Variants in BNC1 observed in about 807,000 individuals in gnomAD.
The protein encoded by BNC1 is zinc finger protein basonuclin-1.
A neutral mutation model predicts 66.5 loss-of-function variants in BNC1; 8 were observed. The observed-to-expected ratio is 0.12, with a 90% CI of 0.07 to 0.22. BNC1 has a LOEUF of 0.22. Ranked by LOEUF, BNC1 falls within the 10% of genes least tolerant of loss-of-function variation. The pLI, the probability that BNC1 is intolerant of heterozygous loss-of-function variation, is 1.00. For missense variants in BNC1, 1,069 were observed against 1,241.3 expected, an observed-to-expected ratio of 0.86 and a Z score of 2.09; for synonymous variants, 454 against 452.6, an observed-to-expected ratio of 1.00 and a Z score of -0.04.
chr15:83,257,558 T>G lies in BNC1; in HGVS notation c.2869A>C (p.Lys957Gln). The change falls in exon 5 of 5, where the codon AAA becomes CAA. Residue 957 changes from lysine to glutamine, a missense_variant. By Grantham distance (53) the Lys-to-Gln change is moderately conservative. Coordinates refer to ENST00000345382, the MANE Select transcript of BNC1 (RefSeq NM_001717.4). ...GTGTTGCAGCCTGGTACTTTGCATTTGTGGAGCTGCCGGAGGTGCACAGTT... is the reference window on the plus strand; with the variant it reads ...GTGTTGCAGCCTGGTACTTTGCATTGGTGGAGCTGCCGGAGGTGCACAGTT... ...YKTVHLRQLH[K>Q]CKVPGCNTMF... The G allele has an allele frequency of 6.2e-7, 1 of 1,614,144 alleles. No individual in the cohort carries two copies. The highest frequency in any genetic ancestry group is 8.5e-7 in the Non-Finnish European group (1 of 1,180,034).
chr15:83,272,293 C>T (rs781729694), intron 1 of BNC1, among the ~76,000 whole-genome samples: 1 of 151,878 alleles, frequency 6.6e-6, no homozygotes, highest in Non-Finnish European at 1.5e-5. Context: ...TGCAGTGGCA[C>T]AATCTCGGCT....
At chr15:83,275,299 C>T (rs1452475657) in intron 1 of BNC1, among the ~76,000 whole-genome samples, 1 of 152,142 alleles carries the variant, frequency 6.6e-6, no homozygotes, top group African/African-American at 2.4e-5. Flanking sequence ...GGTTCAGGAC[C>T]AGACTGGCCA....
intron 3 of BNC1, among the ~76,000 whole-genome samples, chr15:83,265,896 T>A (rs1486364278): frequency 6.6e-6 from 1 of 152,218 alleles, no homozygotes; most frequent in East Asian, 1.9e-4. Context: ...TTCATTTTAA[T>A]TACATGGCCT....
intron 1 of BNC1, among the ~76,000 whole-genome samples, chr15:83,275,153 C>G (rs2038306756): frequency 6.6e-6 from 1 of 152,134 alleles, no homozygotes; most frequent in East Asian, 1.9e-4. Flanking sequence ...AGGGCAGAGA[C>G]AGGAAATGAA....
rs2038161310 is a variant in BNC1, at chr15:83,262,976, A to G, written c.2275T>C (p.Phe759Leu). The change falls in exon 4 of 5, where the codon TTT becomes CTT. Residue 759 changes from phenylalanine (F) to leucine (L), a missense_variant. Around this residue, in one of 7 missense-constraint regions of BNC1, gnomAD observed 657 missense variants for 715.8 expected, o/e 0.92. Coordinates refer to ENST00000345382, the MANE Select transcript of BNC1 (RefSeq NM_001717.4). ...TCTVEGCNAT[F>L]PSRRSRDRHS... is the part of the protein sequence containing the mutation. ...CTGTCTCTGCTCCTGCGGGAGGGAAAGGTAGCATTACAGCCCTCCACTGTG... is the reference window on the plus strand; with the variant it reads ...CTGTCTCTGCTCCTGCGGGAGGGAAGGGTAGCATTACAGCCCTCCACTGTG... 1.2e-6 allele frequency: 2 copies of G among 1,609,678 alleles called. No homozygotes were observed. The highest frequency in any genetic ancestry group is 1.7e-6 in the Non-Finnish European group (2 of 1,177,204).
chr15:83,275,996 T>C (rs987431813), intron 1 of BNC1, among the ~76,000 whole-genome samples: 2 of 152,102 alleles, frequency 1.3e-5, no homozygotes, highest in Admixed American at 6.5e-5. Context: ...CACCTTTCAC[T>C]GAGAGGTAGT....
chr15:83,284,564 T>C lies in BNC1; in HGVS notation c.65A>G (p.Gln22Arg). 1 of 1,093,720 alleles carries C rather than the reference T, an allele frequency of 9.1e-7. No individual in the cohort carries two copies. The highest frequency in any genetic ancestry group is 1.1e-6 in the Non-Finnish European group (1 of 900,796). 67.8% of individuals were successfully genotyped at this position (1,093,720 alleles called of 1,614,324 possible). A position where few individuals can be genotyped will look rare whatever the true frequency, so the allele number is the denominator to read the frequency against. ...CCTGCGACCGCTGCGGTGCCGGGGCTGCCGGCGCGTCTCCCGGGCCCGGGC... is the reference window on the plus strand; with the variant it reads ...CCTGCGACCGCTGCGGTGCCGGGGCCGCCGGCGCGTCTCCCGGGCCCGGGC... The part of the protein sequence containing the change: ...GAARARETRR[Q>R]PRHRSGRRMA... Residue 22 changes from glutamine (Q) to arginine (R), a missense_variant, in exon 1 of 5, where the codon CAG (glutamine) becomes CGG (arginine). Coordinates refer to ENST00000345382, the MANE Select transcript of BNC1 (RefSeq NM_001717.4).
intron 1 of BNC1, among the ~76,000 whole-genome samples, chr15:83,278,832 T>C (rs556845053): frequency 1.3e-5 from 2 of 152,244 alleles, no homozygotes; most frequent in East Asian, 3.9e-4. Flanking sequence ...TTTAAGAATA[T>C]ACAGGAGATA....
chr15:83,278,600 T>C (rs1005841833), intron 1 of BNC1, among the ~76,000 whole-genome samples: 1 of 152,246 alleles, frequency 6.6e-6, no homozygotes, highest in Non-Finnish European at 1.5e-5. Context: ...TCCTTTGCTA[T>C]ATAACCTGTA....
intron 1 of BNC1, among the ~76,000 whole-genome samples, chr15:83,283,899 G>A (rs1052108502): frequency 5.9e-5 from 9 of 152,152 alleles, no homozygotes; most frequent in Non-Finnish European, 1.2e-4. Context: ...TTGTGGGTTT[G>A]TTTTGTTTTT....
At chr15:83,268,064 G>A in intron 2 of BNC1, 69 bp downstream of exon 2, 1 of 1,302,258 alleles carries the variant, frequency 7.7e-7, no homozygotes, top group Non-Finnish European at 1.1e-6. Context: ...TATTAAATCA[G>A]TTCCTGAATA....
At chr15:83,283,012 G>A (rs1411979892) in intron 1 of BNC1, 15 of 1,192,126 alleles carry the variant, frequency 1.3e-5, no homozygotes, top group Admixed American at 2.1e-5. Context: ...AGAGGACTGA[G>A]GCGAGCACAG....
chr15:83,267,989 C>G (rs2038234221), intron 2 of BNC1, 144 bp downstream of exon 2: 1 of 675,410 alleles, frequency 1.5e-6, no homozygotes, highest in East Asian at 2.7e-5. Context: ...CTCTTTGAAT[C>G]TTAGCCTGTT....
chr15:83,262,327 A>T (rs895363457), intron 4 of BNC1, among the ~76,000 whole-genome samples: 1 of 152,176 alleles, frequency 6.6e-6, no homozygotes, highest in East Asian at 1.9e-4. Flanking sequence ...CTGGGATTAC[A>T]GGGATGAGCC....
intron 1 of BNC1, among the ~76,000 whole-genome samples, chr15:83,278,155 A>C (rs1335750693): frequency 6.6e-6 from 1 of 152,216 alleles, no homozygotes; most frequent in Non-Finnish European, 1.5e-5. Flanking sequence ...AGAGTGTCGG[A>C]CTTTAGCTGA....
Position 83,257,379 on chromosome 15 carries a change from T to C in BNC1, c.*63A>G, listed in dbSNP as rs1185210918. 17 of 1,480,200 alleles carry C rather than the reference T, an allele frequency of 1.1e-5. No homozygotes were observed. The highest frequency in any genetic ancestry group is 1.6e-5 in the Non-Finnish European group (17 of 1,092,926). 91.7% of individuals were successfully genotyped at this position (1,480,200 alleles called of 1,614,324 possible). A position where few individuals can be genotyped will look rare whatever the true frequency, so the allele number is the denominator to read the frequency against. On this transcript the variant is annotated 3_prime_UTR_variant, in exon 5 of 5. Coordinates refer to ENST00000345382, the MANE Select transcript of BNC1 (RefSeq NM_001717.4). Reference sequence around the variant, plus strand: ...ATGATATGAAACAGAAACATTTCTATGGACTACTTTATTCCTGAATTATGA... The same window carrying C: ...ATGATATGAAACAGAAACATTTCTACGGACTACTTTATTCCTGAATTATGA...
chr15:83,283,601 G>T, intron 1 of BNC1: 1 of 775,204 alleles, frequency 1.3e-6, no homozygotes, highest in Non-Finnish European at 1.6e-6. Flanking sequence ...AGCGGCAGGC[G>T]CAGCCGCGGG....
chr15:83,282,165 T>C (rs2038385994), intron 1 of BNC1, among the ~76,000 whole-genome samples: 1 of 152,250 alleles, frequency 6.6e-6, no homozygotes, highest in African/African-American at 2.4e-5. Flanking sequence ...TGCAGATGCC[T>C]GAACATAATT....
At position 83,258,040 on chromosome 15, in the gene BNC1, A is replaced by C. The variant is rs139607641; in HGVS notation, c.2387T>G (p.Leu796Arg). The change falls in exon 5 of 5, where the codon CTT becomes CGT. Residue 796 changes from leucine to arginine, a missense_variant. Transcript: ENST00000345382. ...SSEDHFRAAY[L>R]LKDVAKEAYQ... ...GGCTTCCTTAGCCACATCTTTCAGA[A>C]GGTAAGCTGCACGGAAATGATCTTC... The C allele has an allele frequency of 6.2e-7, 1 of 1,613,908 alleles. No individual in the cohort carries two copies. The highest frequency in any genetic ancestry group is 1.3e-5 in the African/African-American group (1 of 74,948).
Sources: gnomAD v4.1 joint callset for allele counts (sites outside exome capture counted in the v4.1 genomes callset) on GRCh38, gnomAD v4.1.1 for gene constraint, gnomAD v4.1.1 regional missense constraint, MANE v1.5 for transcripts, NCBI Gene and HGNC (gene_info 2026-07-23, HGNC 2026-07-21) for gene names.